Variants in PTPRT observed in about 807,000 individuals in gnomAD.
PTPRT encodes the protein receptor-type tyrosine-protein phosphatase T.
A neutral mutation model predicts 176.8 loss-of-function variants in PTPRT; 56 were observed. That is an observed-to-expected ratio of 0.32 (90% CI 0.26 to 0.40). The LOEUF (loss-of-function observed/expected upper bound fraction) is 0.40. Ranked by LOEUF, PTPRT falls within the 10% of genes least tolerant of loss-of-function variation. The pLI, the probability that PTPRT is intolerant of heterozygous loss-of-function variation, is 1.00. For synonymous variants in PTPRT, 783 were observed against 739.0 expected (o/e 1.06, Z -0.96); for missense variants, 1,540 against 1,908.2 (o/e 0.81, Z 3.60).
chr20:42,351,474 G>C (rs944683927), intron 10 of PTPRT, among the ~76,000 whole-genome samples: 2 of 151,998 alleles, frequency 1.3e-5, no homozygotes, highest in African/African-American at 4.8e-5. Flanking sequence ...AAAGATAAGA[G>C]AAAACATTAA....
chr20:43,037,215 T>A lies in PTPRT; in HGVS notation c.89-151283A>T, dbSNP rs531452992. 1.8e-4 allele frequency among the ~76,000 whole-genome samples: 27 copies of A among 152,358 alleles called. No individual in the cohort carries two copies. In the South Asian group the frequency reaches 4.3e-3, roughly 25 times the overall value. The stretch of plus-strand genomic sequence containing the variant: ...GATAAGTAATTGCATTTATGGCGTG[T>A]TATGAAACATATGCAAATTTTATGA... On this transcript the variant is annotated intron_variant, in intron 1 of 30. Transcript: ENST00000373187.
At chr20:42,092,277 A>T (rs1204530303) in intron 27 of PTPRT, among the ~76,000 whole-genome samples, 1 of 152,240 alleles carries the variant, frequency 6.6e-6, no homozygotes, top group Non-Finnish European at 1.5e-5. Flanking sequence ...CTCTCCGACT[A>T]AAGCCTCAGC....
At chr20:42,929,848 G>C (rs529805303) in intron 1 of PTPRT, among the ~76,000 whole-genome samples, 1 of 152,232 alleles carries the variant, frequency 6.6e-6, no homozygotes, top group African/African-American at 2.4e-5. Context: ...CTAAGGATTA[G>C]CAGTTGCCAT....
chr20:43,165,562 T>C (rs149283710), intron 1 of PTPRT, among the ~76,000 whole-genome samples: 163 of 152,284 alleles, frequency 1.1e-3, no homozygotes, highest in African/African-American at 3.8e-3. Flanking sequence ...TGTGAGTCCA[T>C]TAAACCTCTT....
At chr20:42,815,646 A>C (rs1274815062) in intron 2 of PTPRT, among the ~76,000 whole-genome samples, 1 of 152,224 alleles carries the variant, frequency 6.6e-6, no homozygotes, top group Non-Finnish European at 1.5e-5. Context: ...AAGCAAAATG[A>C]TCACTGATAT....
intron 6 of PTPRT, among the ~76,000 whole-genome samples, chr20:42,695,451 T>C (rs1569090621): frequency 6.6e-6 from 1 of 152,218 alleles, no homozygotes; most frequent in Non-Finnish European, 1.5e-5. Flanking sequence ...TGCTGAAAAA[T>C]ATGTCTGGAT....
chr20:42,982,907 T>C (rs1354764345), intron 1 of PTPRT, among the ~76,000 whole-genome samples: 1 of 152,170 alleles, frequency 6.6e-6, no homozygotes, highest in Non-Finnish European at 1.5e-5. Flanking sequence ...TTATAATCTA[T>C]CCAGGTAGAT....
intron 7 of PTPRT, among the ~76,000 whole-genome samples, chr20:42,659,270 A>G (rs1000435956): frequency 3.3e-5 from 5 of 152,160 alleles, no homozygotes; most frequent in Admixed American, 1.3e-4. Flanking sequence ...GCTCATCCCC[A>G]TAGGGCCTGG....
chr20:43,120,936 A>G (rs547043243), intron 1 of PTPRT, among the ~76,000 whole-genome samples: 4 of 152,364 alleles, frequency 2.6e-5, no homozygotes, highest in African/African-American at 4.8e-5. Context: ...ACACACTTCG[A>G]TAACTGCCAG....
At chr20:42,653,054 A>T (rs1422814558) in intron 7 of PTPRT, among the ~76,000 whole-genome samples, 1 of 152,170 alleles carries the variant, frequency 6.6e-6, no homozygotes, top group Non-Finnish European at 1.5e-5. Flanking sequence ...ACCAAATCTC[A>T]TCTTGAACTG....
intron 1 of PTPRT, among the ~76,000 whole-genome samples, chr20:43,019,719 G>T (rs961086165): frequency 6.6e-6 from 1 of 151,466 alleles, no homozygotes; most frequent in Non-Finnish European, 1.5e-5. Flanking sequence ...GAGTGGCAAA[G>T]ATCCACCCTC....
At chr20:42,688,129 T>C (rs1421947366) in intron 6 of PTPRT, 1 of 152,222 alleles carries the variant, frequency 6.6e-6, no homozygotes, top group African/African-American at 2.4e-5. Context: ...CCAGTCCTAG[T>C]GATGGGAGAC....
At chr20:42,317,553 C>T (rs908710958) in intron 11 of PTPRT, among the ~76,000 whole-genome samples, 1 of 152,220 alleles carries the variant, frequency 6.6e-6, no homozygotes, top group African/African-American at 2.4e-5. Flanking sequence ...TTAAACAGGG[C>T]ATAGTGAACC....
chr20:43,080,617 G>T (rs1433861612), intron 1 of PTPRT, among the ~76,000 whole-genome samples: 1 of 152,184 alleles, frequency 6.6e-6, no homozygotes. Flanking sequence ...CCACAGTGTG[G>T]TATTTTCACT....
chr20:42,207,081 CCTAT>C (rs1314255267), intron 15 of PTPRT, among the ~76,000 whole-genome samples: 2 of 152,040 alleles, frequency 1.3e-5, no homozygotes, highest in African/African-American at 4.8e-5. Flanking sequence ...AGCTGAGGGT[CCTAT>C]CTGTTAGAAG....
intron 1 of PTPRT, among the ~76,000 whole-genome samples, chr20:42,905,542 T>C (rs149729234): frequency 2.1e-4 from 32 of 152,316 alleles, no homozygotes; most frequent in African/African-American, 7.5e-4. Context: ...AGAAATACCA[T>C]TTGACCCAGC....
intron 6 of PTPRT, among the ~76,000 whole-genome samples, chr20:42,684,700 G>A (rs1435801594): frequency 1.3e-5 from 2 of 152,134 alleles, no homozygotes; most frequent in Non-Finnish European, 2.9e-5. Context: ...TGAGACTTCA[G>A]CTTAAGTACA....
intron 9 of PTPRT, among the ~76,000 whole-genome samples, chr20:42,442,114 G>A (rs1209890519): frequency 6.6e-6 from 1 of 152,188 alleles, no homozygotes; most frequent in Non-Finnish European, 1.5e-5. Context: ...CATCCATCCA[G>A]ACAGAGCCAG....
intron 2 of PTPRT, among the ~76,000 whole-genome samples, chr20:42,852,088 G>C (rs1477638987): frequency 1.3e-5 from 2 of 152,234 alleles, no homozygotes; most frequent in East Asian, 1.9e-4. Context: ...ATAACTCTCT[G>C]TAACTTTTTG....
Sources: gnomAD v4.1 joint callset for allele counts (sites outside exome capture counted in the v4.1 genomes callset) on GRCh38, gnomAD v4.1.1 for gene constraint, MANE v1.5 for transcripts, NCBI Gene and HGNC (gene_info 2026-07-23, HGNC 2026-07-21) for gene names.